Variants in PTP4A1 observed in about 807,000 individuals in gnomAD.
PTP4A1 encodes the protein protein tyrosine phosphatase type IVA 1.
In PTP4A1, 9 loss-of-function variants were observed where a neutral mutation model predicts 20.5. That is an observed-to-expected ratio of 0.44 (90% CI 0.26 to 0.77). The LOEUF is 0.77. Ranked by LOEUF, PTP4A1 falls within the 30% of genes least tolerant of loss-of-function variation. The pLI is 0.19. For missense variants in PTP4A1, 137 were observed against 218.8 expected, an observed-to-expected ratio of 0.63 and a Z score of 2.36; for synonymous variants, 78 against 67.4, an observed-to-expected ratio of 1.16 and a Z score of -0.77.
intron 2 of PTP4A1, among the ~76,000 whole-genome samples, chr6:63,538,683 A>G (rs1293349009): frequency 6.6e-6 from 1 of 152,200 alleles, no homozygotes; most frequent in Admixed American, 6.5e-5. Flanking sequence ...AATGTGCTTT[A>G]GTTTTTGCCT....
At chr6:63,570,278 C>T (rs1015512411), upstream of PTP4A1, among the ~76,000 whole-genome samples, 2 of 152,156 alleles carry the variant, frequency 1.3e-5, no homozygotes, top group Non-Finnish European at 2.9e-5. Context: ...TTGCAGTGAG[C>T]AAAGATTGCA....
chr6:63,521,640 G>A (rs559877668), upstream of PTP4A1: 6 of 152,278 alleles, frequency 3.9e-5, no homozygotes, highest in East Asian at 9.6e-4. Flanking sequence ...CTGTCCCCTT[G>A]AACTGTATAA....
chr6:63,564,111 C>G (rs927119377), intron 3 of PTP4A1, among the ~76,000 whole-genome samples: 1 of 152,020 alleles, frequency 6.6e-6, no homozygotes, highest in Non-Finnish European at 1.5e-5. Context: ...CCCATCTCTA[C>G]TAAAAATACA....
chr6:63,576,293 G>T, intron 1 of PTP4A1, 143 bp from the exon 2 acceptor site: 1 of 379,660 alleles, frequency 2.6e-6, no homozygotes. Context: ...CTTGAGTTTT[G>T]CAATTCAAGT....
At chr6:63,548,760 A>T in intron 2 of PTP4A1, 1 of 702,640 alleles carries the variant, frequency 1.4e-6, no homozygotes, top group Non-Finnish European at 2.6e-6. Context: ...GAGCTTGCCA[A>T]TGCAAGCCAC....
intron 3 of PTP4A1, among the ~76,000 whole-genome samples, chr6:63,555,639 G>GTCTAGCAAT (rs1384499562): frequency 6.6e-6 from 1 of 150,876 alleles, no homozygotes; most frequent in Non-Finnish European, 1.5e-5. Context: ...CATCCACTCT[G>GTCTAGCAAT]TCTAGCAATG....
intron 2 of PTP4A1, among the ~76,000 whole-genome samples, chr6:63,531,334 G>A (rs1344968993): frequency 6.6e-6 from 1 of 152,030 alleles, no homozygotes; most frequent in Non-Finnish European, 1.5e-5. Context: ...AACATTTTCA[G>A]TCTGGGGGTT....
chr6:63,549,014 C>A, intron 2 of PTP4A1: 1 of 728,208 alleles, frequency 1.4e-6, no homozygotes, highest in South Asian at 1.4e-5. Context: ...AGACAACCAG[C>A]TCGATGGGAT....
intron 3 of PTP4A1, among the ~76,000 whole-genome samples, chr6:63,555,632 C>T (rs1044019243): frequency 2.6e-4 from 40 of 151,962 alleles, no homozygotes; most frequent in African/African-American, 9.2e-4. Flanking sequence ...AGGCATACAT[C>T]CACTCTGTCT....
At chr6:63,545,374 C>T (rs550713540) in intron 2 of PTP4A1, among the ~76,000 whole-genome samples, 83 of 152,224 alleles carry the variant, frequency 5.5e-4, no homozygotes, top group African/African-American at 1.8e-3. Flanking sequence ...CTTTGGGAGG[C>T]GGAGGCAGAT....
chr6:63,567,526 A>G (rs919150559), upstream of PTP4A1, among the ~76,000 whole-genome samples: 2 of 152,244 alleles, frequency 1.3e-5, no homozygotes, highest in African/African-American at 4.8e-5. Context: ...TTAGTGAGCC[A>G]TGCTAAACAG....
Position 63,582,266 on chromosome 6 carries a change from A to G in PTP4A1, c.*2092A>G, listed in dbSNP as rs1000185087. The G allele has an allele frequency of 6.6e-6, 1 of 152,562 alleles. No individual in the cohort carries two copies. The highest frequency in any genetic ancestry group is 1.5e-5 in the Non-Finnish European group (1 of 68,014). 9.5% of individuals were successfully genotyped at this position (152,562 alleles called of 1,614,324 possible). Reference sequence around the variant, plus strand: ...ATAATCAATTACTAAATGTTAAACTATTACCACACAGCCCATAAAACAGCA... The same window carrying G: ...ATAATCAATTACTAAATGTTAAACTGTTACCACACAGCCCATAAAACAGCA... On this transcript the variant is annotated 3_prime_UTR_variant, in exon 6 of 6. Coordinates refer to ENST00000626021, the MANE Select transcript of PTP4A1 (RefSeq NM_003463.5).
chr6:63,554,423 T>C (rs193170762), intron 3 of PTP4A1, among the ~76,000 whole-genome samples: 105 of 152,294 alleles, frequency 6.9e-4, no homozygotes, highest in African/African-American at 2.5e-3. Flanking sequence ...GGGCTTTACC[T>C]CCACTCCCAC....
At chr6:63,579,716 GAACA>G (rs1778098937) in intron 5 of PTP4A1, among the ~76,000 whole-genome samples, 1 of 152,174 alleles carries the variant, frequency 6.6e-6, no homozygotes, top group South Asian at 2.1e-4. Context: ...GAGTGCTGTA[GAACA>G]TGCCTTTGTG....
chr6:63,569,678 G>C (rs1777337154), upstream of PTP4A1, among the ~76,000 whole-genome samples: 1 of 152,238 alleles, frequency 6.6e-6, no homozygotes, highest in South Asian at 2.1e-4. Flanking sequence ...CACATGTTTT[G>C]CTGAGAGAAG....
At chr6:63,556,693 T>G (rs1349073515) in intron 3 of PTP4A1, among the ~76,000 whole-genome samples, 1 of 152,256 alleles carries the variant, frequency 6.6e-6, no homozygotes, top group East Asian at 1.9e-4. Context: ...ACATCAATAA[T>G]TTATTCCTGA....
At position 63,551,214 on chromosome 6, in the gene PTP4A1, C is replaced by T. The variant is rs966194825; in HGVS notation, c.-446+721C>T. Among the ~76,000 whole-genome samples, 81 of 151,974 alleles carry T rather than the reference C, an allele frequency of 5.3e-4. 1 individual carries two copies. Among genetic ancestry groups the T allele is most frequent in the Middle Eastern group, 6.8e-3 (2 of 294 alleles). ...CCAAATAGCTGGGACTACAGGGGCGCGCCACCACACCTGGCTAGTTTTTGT... is the reference window on the plus strand; with the variant it reads ...CCAAATAGCTGGGACTACAGGGGCGTGCCACCACACCTGGCTAGTTTTTGT... On this transcript the variant is annotated intron_variant, in intron 3 of 3. Coordinates refer to the PTP4A1 transcript ENST00000639568.
At chr6:63,555,200 G>A (rs1315270995) in intron 3 of PTP4A1, among the ~76,000 whole-genome samples, 7 of 152,160 alleles carry the variant, frequency 4.6e-5, no homozygotes, top group Non-Finnish European at 7.3e-5. Flanking sequence ...AAGAAAATGG[G>A]TTCTGTAGAT....
At chr6:63,555,594 G>A (rs1233211665) in intron 3 of PTP4A1, among the ~76,000 whole-genome samples, 3 of 151,532 alleles carry the variant, frequency 2.0e-5, no homozygotes, top group African/African-American at 7.3e-5. Flanking sequence ...TTGTCTCACT[G>A]CATGACATAT....
Sources: gnomAD v4.1 joint callset for allele counts (sites outside exome capture counted in the v4.1 genomes callset) on GRCh38, gnomAD v4.1.1 for gene constraint, MANE v1.5 for transcripts, NCBI Gene and HGNC (gene_info 2026-07-23, HGNC 2026-07-21) for gene names.